WWOX: variants seen among roughly 807,000 people sequenced by gnomAD.
WWOX encodes the protein WW domain containing oxidoreductase, also known as WW domain-containing oxidoreductase.
In WWOX, 69 loss-of-function variants were observed where a neutral mutation model predicts 46.2. That is an observed-to-expected ratio of 1.49 (90% CI 1.23 to 1.82). The LOEUF is 1.82. Ranked by LOEUF, WWOX falls within the 40% of genes most tolerant of loss-of-function variation. The pLI is 0.00. For missense variants in WWOX, 919 were observed against 542.6 expected (o/e 1.69, Z -6.89); for synonymous variants, 359 against 202.6 (o/e 1.77, Z -6.56).
intron 8 of WWOX, among the ~76,000 whole-genome samples, chr16:79,127,195 T>A: frequency 6.6e-6 from 1 of 152,000 alleles, no homozygotes; most frequent in East Asian, 1.9e-4. Context: ...TGTATACATA[T>A]ACACACACAC....
chr16:78,562,880 C>T (rs376594406), intron 8 of WWOX, among the ~76,000 whole-genome samples: 1 of 152,120 alleles, frequency 6.6e-6, no homozygotes, highest in East Asian at 1.9e-4. Flanking sequence ...CGGAGCTCCA[C>T]GATGGGGAGG....
intron 8 of WWOX, among the ~76,000 whole-genome samples, chr16:78,576,907 C>T (rs779045045): frequency 1.3e-5 from 2 of 152,210 alleles, no homozygotes; most frequent in African/African-American, 2.4e-5. Context: ...TTGCCATCCC[C>T]ACACTACCAT....
At chr16:78,687,215 G>T (rs915888823) in intron 8 of WWOX, among the ~76,000 whole-genome samples, 1 of 152,098 alleles carries the variant, frequency 6.6e-6, no homozygotes, top group Non-Finnish European at 1.5e-5. Flanking sequence ...TGATATAACA[G>T]TAAATCCAAG....
At chr16:78,374,677 T>A (rs2081776321) in intron 5 of WWOX, among the ~76,000 whole-genome samples, 1 of 151,592 alleles carries the variant, frequency 6.6e-6, no homozygotes, top group South Asian at 2.1e-4. Context: ...GCCTCCCGAG[T>A]AGCTGGAACT....
At chr16:78,519,387 T>G (rs564398841) in intron 8 of WWOX, among the ~76,000 whole-genome samples, 34 of 152,130 alleles carry the variant, frequency 2.2e-4, no homozygotes, top group Non-Finnish European at 4.7e-4. Context: ...TTTCTTCCTC[T>G]ACCCTCTTCC....
chr16:79,190,354 C>T (rs546620839), intron 8 of WWOX, among the ~76,000 whole-genome samples: 11 of 151,982 alleles, frequency 7.2e-5, no homozygotes, highest in South Asian at 4.2e-4. Context: ...AAAAAAAAAT[C>T]GGGAATTAGC....
At chr16:79,000,369 ATTAAGGTTGCAGATGGAG>A (rs981727121) in intron 8 of WWOX, among the ~76,000 whole-genome samples, 2 of 152,194 alleles carry the variant, frequency 1.3e-5, no homozygotes, top group African/African-American at 4.8e-5. Flanking sequence ...CAGATGGGGA[ATTAAGGTTGCAGATGGAG>A]TTAAGGTTGC....
intron 8 of WWOX, among the ~76,000 whole-genome samples, chr16:78,608,323 C>T (rs1336490678): frequency 2.0e-5 from 3 of 152,160 alleles, no homozygotes; most frequent in Non-Finnish European, 2.9e-5. Context: ...GAGGTCTATC[C>T]TGTTTTGCTT....
rs147416143 is a variant in WWOX, at chr16:78,785,604, TAGTC to T, written c.1056+352856_1056+352859del. On this transcript the variant is annotated intron_variant, in intron 8 of 8. Coordinates refer to ENST00000566780, the MANE Select transcript of WWOX (RefSeq NM_016373.4). Reference sequence around the variant, plus strand: ...AGTACTGTTTCTTATAAATTCGAGATAGTCAGTTTTTACCAAATGCTTCTGATTT... The same window carrying T: ...AGTACTGTTTCTTATAAATTCGAGATAGTTTTTACCAAATGCTTCTGATTT... 2.8e-3 allele frequency among the ~76,000 whole-genome samples: 431 copies of T among 152,340 alleles called. 2 individuals are homozygous for T. The highest frequency in any genetic ancestry group is 9.2e-3 in the African/African-American group (383 of 41,584).
intron 8 of WWOX, among the ~76,000 whole-genome samples, chr16:78,649,955 C>A (rs377664791): frequency 2.9e-4 from 44 of 152,254 alleles, no homozygotes; most frequent in African/African-American, 1.0e-3. Context: ...TGATTCATTT[C>A]TCTTATCTGT....
chr16:79,023,393 T>C (rs2047574047), intron 8 of WWOX, among the ~76,000 whole-genome samples: 1 of 152,132 alleles, frequency 6.6e-6, no homozygotes, highest in African/African-American at 2.4e-5. Flanking sequence ...CCTTGAGTGA[T>C]TTACTTGGTG....
chr16:79,097,261 T>C (rs2049095119), intron 8 of WWOX, among the ~76,000 whole-genome samples: 1 of 152,022 alleles, frequency 6.6e-6, no homozygotes, highest in African/African-American at 2.4e-5. Context: ...CAGGCCCTCA[T>C]GCCTAGCTGT....
chr16:78,099,826 C>G lies in WWOX; in HGVS notation c.48C>G (p.Asp16Glu). 1.3e-6 allele frequency: 2 copies of G among 1,580,982 alleles called. No homozygotes were observed. Among genetic ancestry groups the G allele is most frequent in the Non-Finnish European group, 1.7e-6 (2 of 1,164,586 alleles). ...GGCTGGACGACACGGACAGTGAGGA[C>G]GAGCTGCCTCCGGGCTGGGAGGAGA... ...YAGLDDTDSE[D>E]ELPPGWEERT... The change falls in exon 1 of 9, where the codon GAC (aspartate) becomes GAG (glutamate). Residue 16 changes from aspartate (D) to glutamate (E), a missense_variant. Transcript: ENST00000566780.
intron 8 of WWOX, among the ~76,000 whole-genome samples, chr16:79,181,941 T>G (rs1377797690): frequency 2.0e-5 from 3 of 152,184 alleles, no homozygotes; most frequent in Non-Finnish European, 4.4e-5. Flanking sequence ...ACATCATTCG[T>G]TTGAAAGCTT....
At chr16:78,446,093 A>G (rs1261038890) in intron 8 of WWOX, among the ~76,000 whole-genome samples, 1 of 152,220 alleles carries the variant, frequency 6.6e-6, no homozygotes, top group East Asian at 1.9e-4. Context: ...TGCTAATGGT[A>G]TTGATGTGTT....
At chr16:78,374,698 G>A (rs908966868) in intron 5 of WWOX, among the ~76,000 whole-genome samples, 7 of 151,770 alleles carry the variant, frequency 4.6e-5, no homozygotes, top group Middle Eastern at 3.2e-3. Context: ...ACAGGTGCCC[G>A]CCACCAGGCC....
At chr16:78,750,547 G>T (rs2049451290) in intron 8 of WWOX, among the ~76,000 whole-genome samples, 1 of 151,696 alleles carries the variant, frequency 6.6e-6, no homozygotes, top group South Asian at 2.1e-4. Flanking sequence ...TGGATATCTT[G>T]CAAGATACTG....
At chr16:78,672,332 A>C (rs908521607) in intron 8 of WWOX, among the ~76,000 whole-genome samples, 6 of 152,246 alleles carry the variant, frequency 3.9e-5, no homozygotes, top group African/African-American at 1.4e-4. Flanking sequence ...TCAAGGCGGA[A>C]GTGCTTGTTA....
chr16:78,874,097 TA>T (rs113474946), intron 8 of WWOX, among the ~76,000 whole-genome samples: 18 of 148,738 alleles, frequency 1.2e-4, no homozygotes, highest in African/African-American at 3.2e-4. Flanking sequence ...TAAAATTATT[TA>T]AAAAAAAAAT....
Sources: gnomAD v4.1 joint callset for allele counts (sites outside exome capture counted in the v4.1 genomes callset) on GRCh38, gnomAD v4.1.1 for gene constraint, MANE v1.5 for transcripts, NCBI Gene and HGNC (gene_info 2026-07-23, HGNC 2026-07-21) for gene names.